RBM20: variants seen among roughly 807,000 people sequenced by gnomAD.
RBM20 encodes the protein RNA binding motif protein 20, also known as RNA-binding protein 20.
RBM20 carries 51 observed loss-of-function variants against 110.1 expected under a neutral mutation model. The ratio of observed to expected loss-of-function variants is 0.46; its 90% CI spans 0.37 to 0.59. RBM20 has a LOEUF of 0.59. Ranked by LOEUF, RBM20 falls within the 20% of genes least tolerant of loss-of-function variation. RBM20 has a pLI of 0.00. For missense variants in RBM20, 1,512 were observed against 1,574.9 expected, an observed-to-expected ratio of 0.96 and a Z score of 0.68; for synonymous variants, 589 against 618.2, an observed-to-expected ratio of 0.95 and a Z score of 0.70.
chr10:110,784,659 A>T, intron 4 of RBM20, 133 bp from the exon 5 acceptor site: 1 of 724,986 alleles, frequency 1.4e-6, no homozygotes, highest in Admixed American at 2.1e-5. Context: ...GCATGTCCAG[A>T]GGTACAATCA....
chr10:110,651,092 G>T (rs1455092078), intron 1 of RBM20, among the ~76,000 whole-genome samples: 1 of 152,210 alleles, frequency 6.6e-6, no homozygotes, highest in Non-Finnish European at 1.5e-5. Flanking sequence ...GATTGGAAAT[G>T]ATCAATTGCA....
intron 7 of RBM20, among the ~76,000 whole-genome samples, chr10:110,804,864 G>T (rs969716702): frequency 1.3e-5 from 2 of 152,112 alleles, no homozygotes; most frequent in Non-Finnish European, 2.9e-5. Context: ...GATTTTTTGT[G>T]GGGGGAGTCC....
intron 2 of RBM20, 41 bp from the exon 3 acceptor site, chr10:110,783,325 C>T (rs1206849960): frequency 6.0e-6 from 9 of 1,492,370 alleles, no homozygotes; most frequent in Non-Finnish European, 8.2e-6. Context: ...TTCCCATGGA[C>T]TCAGTTCTAC....
chr10:110,699,078 C>T (rs144571537), intron 1 of RBM20, among the ~76,000 whole-genome samples: 8 of 152,256 alleles, frequency 5.3e-5, no homozygotes, highest in South Asian at 2.1e-4. Flanking sequence ...AAGTCATGCA[C>T]AGGCAATGCA....
At chr10:110,677,232 C>A (rs1380551992) in intron 1 of RBM20, among the ~76,000 whole-genome samples, 2 of 152,172 alleles carry the variant, frequency 1.3e-5, no homozygotes, top group Non-Finnish European at 2.9e-5. Flanking sequence ...CCCATTAATC[C>A]ATTAACTATG....
chr10:110,666,933 A>G (rs1394114693), intron 1 of RBM20, among the ~76,000 whole-genome samples: 2 of 152,192 alleles, frequency 1.3e-5, no homozygotes, highest in African/African-American at 4.8e-5. Flanking sequence ...TTATCCAAGG[A>G]TAAGGGAAGA....
chr10:110,732,106 AT>A (rs1843625790), intron 1 of RBM20, among the ~76,000 whole-genome samples: 1 of 151,884 alleles, frequency 6.6e-6, no homozygotes, highest in Non-Finnish European at 1.5e-5. Flanking sequence ...TGATAGTGAC[AT>A]TTTTCCCTCC....
At chr10:110,819,912 G>T (rs1195665110) in intron 9 of RBM20, among the ~76,000 whole-genome samples, 160 bp from the exon 10 acceptor site, 1 of 152,170 alleles carries the variant, frequency 6.6e-6, no homozygotes, top group Non-Finnish European at 1.5e-5. Context: ...AAACGAAGAT[G>T]CTGATAGCAG....
chr10:110,661,835 C>A lies in RBM20; in HGVS notation c.191+17190C>A, dbSNP rs577091379. On this transcript the variant is annotated intron_variant, in intron 1 of 13. Transcript: ENST00000369519. ...GATCAGCCTGACCAACATGGCAAAACCCCGTCTCTACTAAAAATACAAAAA... is the reference window on the plus strand; with the variant it reads ...GATCAGCCTGACCAACATGGCAAAAACCCGTCTCTACTAAAAATACAAAAA... Among the ~76,000 whole-genome samples, 3 of 152,066 alleles carry A rather than the reference C, an allele frequency of 2.0e-5. No homozygotes were observed. In the South Asian group the frequency reaches 6.2e-4, roughly 32 times the overall value.
In RBM20 at chr10:110,680,119, C is replaced by T. The variant is rs117100794; in HGVS notation, c.191+35474C>T. ...GAGTGGTGGCATTAGAGCCGGGAGCCGGGCACCTGTTGTCATGCAGGCTGT... is the reference window on the plus strand; with the variant it reads ...GAGTGGTGGCATTAGAGCCGGGAGCTGGGCACCTGTTGTCATGCAGGCTGT... On this transcript the variant is annotated intron_variant, in intron 1 of 13. Transcript: ENST00000369519. Among the ~76,000 whole-genome samples, 115 of 152,052 alleles carry T rather than the reference C, an allele frequency of 7.6e-4. 4 individuals are homozygous for T. The East Asian group carries it at 0.02, about 27-fold the overall frequency.
chr10:110,747,668 A>C (rs941240830), intron 1 of RBM20, among the ~76,000 whole-genome samples: 4 of 152,224 alleles, frequency 2.6e-5, no homozygotes, highest in East Asian at 3.8e-4. Context: ...GCTGGGACCA[A>C]AAGTAAGTGA....
chr10:110,737,851 A>G (rs1352210077), intron 1 of RBM20, among the ~76,000 whole-genome samples: 2 of 152,206 alleles, frequency 1.3e-5, no homozygotes, highest in African/African-American at 4.8e-5. Context: ...ATTACAAAGA[A>G]TGTTGCTGTG....
At chr10:110,707,642 T>A (rs183133380) in intron 1 of RBM20, among the ~76,000 whole-genome samples, 1 of 152,232 alleles carries the variant, frequency 6.6e-6, no homozygotes, top group East Asian at 1.9e-4. Context: ...TTGTGTTAAG[T>A]GAAATAAGGT....
intron 13 of RBM20, 104 bp downstream of exon 13, chr10:110,831,286 C>G: frequency 7.8e-7 from 1 of 1,285,822 alleles, no homozygotes; most frequent in East Asian, 2.6e-5. Context: ...GAGTCTAGCT[C>G]CTACCTGCAA....
intron 1 of RBM20, among the ~76,000 whole-genome samples, chr10:110,658,765 A>T (rs866886155): frequency 8.6e-5 from 13 of 151,606 alleles, no homozygotes; most frequent in Admixed American, 8.5e-4. Context: ...TGCCCCACTC[A>T]GCCCTCCAGC....
At chr10:110,825,043 TC>T (rs1424073007) in intron 12 of RBM20, among the ~76,000 whole-genome samples, 1 of 112,634 alleles carries the variant, frequency 8.9e-6, no homozygotes, top group Non-Finnish European at 2.0e-5. Context: ...AGAGCAAACT[TC>T]CTTTTTTTTT....
At chr10:110,816,120 C>T (rs1844834428) in intron 9 of RBM20, among the ~76,000 whole-genome samples, 1 of 152,148 alleles carries the variant, frequency 6.6e-6, no homozygotes, top group Non-Finnish European at 1.5e-5. Context: ...ACCTCCTGCC[C>T]TCAGCGCCTT....
At chr10:110,788,171 T>C (rs982496504) in intron 5 of RBM20, among the ~76,000 whole-genome samples, 1 of 152,182 alleles carries the variant, frequency 6.6e-6, no homozygotes. Context: ...CTGAGGGGTC[T>C]CTTCCTTGCT....
rs145820977 is a variant in RBM20, at chr10:110,768,653, T to C, written c.192-12148T>C. 3.4e-3 allele frequency among the ~76,000 whole-genome samples: 525 copies of C among 152,314 alleles called. 3 individuals carry two copies. The highest frequency in any genetic ancestry group is 0.012 in the African/African-American group (489 of 41,560). On this transcript the variant is annotated intron_variant, in intron 1 of 13. Transcript: ENST00000369519. ...TTCAAGTCAGTTGAACCAGTATTTG[T>C]TCAGTGCCTCTAATTTGCCCAGTGT... is the stretch of plus-strand genomic sequence containing the variant.
Sources: allele counts gnomAD v4.1 joint callset (sites outside exome capture counted in the v4.1 genomes callset), GRCh38; gene constraint gnomAD v4.1.1; transcripts MANE v1.5; gene names NCBI Gene and HGNC (gene_info 2026-07-23, HGNC 2026-07-21).